Variants in SEMA3A observed in about 807,000 individuals in gnomAD.
SEMA3A encodes the protein semaphorin 3A.
SEMA3A carries 29 observed loss-of-function variants against 97.9 expected under a neutral mutation model. The observed-to-expected ratio is 0.30, with a 90% CI of 0.22 to 0.40. The LOEUF (loss-of-function observed/expected upper bound fraction) is 0.40, where lower values mean the gene tolerates loss of function less well. Ranked by LOEUF, SEMA3A falls within the 10% of genes least tolerant of loss-of-function variation. The probability of loss-of-function intolerance (pLI) is 1.00; values close to 1 mark genes in which losing one functional copy is unlikely to be tolerated. For synonymous variants in SEMA3A, 321 were observed against 323.7 expected (o/e 0.99, Z 0.09); for missense variants, 763 against 951.3 (o/e 0.80, Z 2.60).
intron 1 of SEMA3A, among the ~76,000 whole-genome samples, chr7:84,175,511 G>A (rs1348067410): frequency 6.6e-6 from 1 of 152,158 alleles, no homozygotes; most frequent in East Asian, 1.9e-4. Flanking sequence ...AGCTTCCCTT[G>A]TAGGGTTCAC....
At chr7:84,405,722 G>C (rs575528598) in intron 1 of SEMA3A, among the ~76,000 whole-genome samples, 16 of 152,226 alleles carry the variant, frequency 1.1e-4, no homozygotes, top group Admixed American at 4.6e-4. Context: ...AATCAAACTA[G>C]AACTCAGGAT....
chr7:84,423,569 T>C (rs1715509), intron 1 of SEMA3A, among the ~76,000 whole-genome samples: 27,003 of 152,014 alleles, frequency 0.18, 2,548 homozygotes, highest in Middle Eastern at 0.23. Flanking sequence ...TGTAATTATT[T>C]TTTTGTCGAA....
intron 3 of SEMA3A, among the ~76,000 whole-genome samples, chr7:84,301,370 A>G (rs1801013421): frequency 6.6e-6 from 1 of 152,136 alleles, no homozygotes; most frequent in Non-Finnish European, 1.5e-5. Context: ...AGAATGCATA[A>G]AGTGCTCCTA....
chr7:83,963,359 T>A lies in SEMA3A; in HGVS notation c.1718-12A>T, dbSNP rs776866211. 1 of 1,601,914 alleles carries A rather than the reference T, an allele frequency of 6.2e-7. No individual in the cohort carries two copies. On this transcript the variant is annotated splice_polypyrimidine_tract_variant and intron_variant, in intron 15 of 16. Coordinates refer to ENST00000265362, the MANE Select transcript of SEMA3A (RefSeq NM_006080.3). ...GCCATGGTGATTATCTGGCCAGTGATGAGAAAATGCAATGAGAAAATATTA... is the reference window on the plus strand; with the variant it reads ...GCCATGGTGATTATCTGGCCAGTGAAGAGAAAATGCAATGAGAAAATATTA...
chr7:84,120,437 A>G (rs188349022), intron 3 of SEMA3A, among the ~76,000 whole-genome samples: 166 of 152,306 alleles, frequency 1.1e-3, no homozygotes, highest in African/African-American at 3.9e-3. Flanking sequence ...AATACCAGGT[A>G]TAAAGCAAGC....
intron 4 of SEMA3A, among the ~76,000 whole-genome samples, chr7:84,106,198 T>G (rs917688677): frequency 4.6e-5 from 7 of 152,198 alleles, no homozygotes; most frequent in Admixed American, 4.6e-4. Context: ...ATGAACGGCA[T>G]GTAGGATGGT....
intron 3 of SEMA3A, among the ~76,000 whole-genome samples, chr7:84,285,488 C>T (rs1053917673): frequency 6.6e-6 from 1 of 152,058 alleles, no homozygotes; most frequent in African/African-American, 2.4e-5. Flanking sequence ...TATTATATTT[C>T]TTTTTCAACT....
At chr7:83,980,495 C>T (rs1397485270) in intron 14 of SEMA3A, among the ~76,000 whole-genome samples, 2 of 149,390 alleles carry the variant, frequency 1.3e-5, no homozygotes, top group Non-Finnish European at 3.0e-5. Flanking sequence ...GTCCCAGCTA[C>T]TCGGGAGGGT....
intron 6 of SEMA3A, among the ~76,000 whole-genome samples, chr7:84,020,857 G>A (rs1791302130): frequency 6.6e-6 from 1 of 151,806 alleles, no homozygotes; most frequent in Non-Finnish European, 1.5e-5. Context: ...TTTCCTCTAA[G>A]CCCCCCATAC....
chr7:84,276,127 C>T (rs546997754), intron 3 of SEMA3A, among the ~76,000 whole-genome samples: 1 of 152,146 alleles, frequency 6.6e-6, no homozygotes, highest in African/African-American at 2.4e-5. Context: ...ATTTACCCAA[C>T]ATCTATTCTT....
In SEMA3A at chr7:84,174,818, G is replaced by C. The variant is rs146626617; in HGVS notation, c.112+19657C>G. Among the ~76,000 whole-genome samples, 128 of 152,186 alleles carry C rather than the reference G, an allele frequency of 8.4e-4. No homozygotes were observed. In the East Asian group the frequency reaches 0.016, roughly 19 times the overall value. On this transcript the variant is annotated intron_variant, in intron 1 of 16. Coordinates refer to ENST00000265362, the MANE Select transcript of SEMA3A (RefSeq NM_006080.3). The stretch of plus-strand genomic sequence containing the variant: ...TTAGAAGAAAGCTTTCACTTTTTCA[G>C]AAGATTTTAGGTGTTGTTCTGTGTT...
chr7:84,264,423 C>T (rs1194766827), intron 3 of SEMA3A, among the ~76,000 whole-genome samples: 1 of 152,022 alleles, frequency 6.6e-6, no homozygotes, highest in East Asian at 1.9e-4. Context: ...GCAGAATAGC[C>T]AAGAGTCTAT....
At chr7:84,294,073 C>G (rs1367246199) in intron 3 of SEMA3A, among the ~76,000 whole-genome samples, 1 of 151,940 alleles carries the variant, frequency 6.6e-6, no homozygotes. Context: ...GGATCAAAAC[C>G]ACAATACTTA....
At chr7:84,255,561 T>A (rs1799699280) in intron 3 of SEMA3A, among the ~76,000 whole-genome samples, 1 of 152,108 alleles carries the variant, frequency 6.6e-6, no homozygotes, top group Non-Finnish European at 1.5e-5. Context: ...CTTTGGTGAG[T>A]ATTTCTGGAG....
intron 3 of SEMA3A, among the ~76,000 whole-genome samples, chr7:84,248,752 CCTCT>C (rs750187889): frequency 6.6e-6 from 1 of 151,904 alleles, no homozygotes; most frequent in African/African-American, 2.4e-5. Flanking sequence ...TCCCTCCCTC[CCTCT>C]CTCTCTTTTT....
intron 15 of SEMA3A, 49 bp downstream of exon 15, chr7:83,977,083 T>A: frequency 8.7e-7 from 1 of 1,148,402 alleles, no homozygotes; most frequent in Non-Finnish European, 1.2e-6. Flanking sequence ...TGCATTATTA[T>A]GATTTTAGCC....
At chr7:84,143,950 AACACACACAC>A (rs796470836) in intron 1 of SEMA3A, among the ~76,000 whole-genome samples, 63 of 94,682 alleles carry the variant, frequency 6.7e-4, no homozygotes, top group South Asian at 4.5e-3. Flanking sequence ...CTCTCTCTCT[AACACACACAC>A]ACACACACAC....
At chr7:84,278,865 G>A (rs933212660) in intron 3 of SEMA3A, among the ~76,000 whole-genome samples, 2 of 152,068 alleles carry the variant, frequency 1.3e-5, no homozygotes, top group Non-Finnish European at 2.9e-5. Flanking sequence ...ATTTCAACAT[G>A]AGATTTGGGT....
At position 83,993,477 on chromosome 7, in the gene SEMA3A, T is replaced by C. The variant is rs1282318378; in HGVS notation, c.1453-8000A>G. Among the ~76,000 whole-genome samples, 22 of 151,610 alleles carry C rather than the reference T, an allele frequency of 1.5e-4. No individual in the cohort carries two copies. In the South Asian group the frequency reaches 3.5e-3, roughly 24 times the overall value. ...ACCGGTTTTTCCTTTCCATGTTTAG[T>C]GCTTCCTTCAGGAGCTCTTTTAGGG... On this transcript the variant is annotated intron_variant, in intron 12 of 16. Transcript: ENST00000265362.
Sources: allele counts gnomAD v4.1 joint callset (sites outside exome capture counted in the v4.1 genomes callset), GRCh38; gene constraint gnomAD v4.1.1; transcripts MANE v1.5; gene names NCBI Gene and HGNC (gene_info 2026-07-23, HGNC 2026-07-21).